The following MED17 variants were observed in gnomAD, a reference collection of about 807,000 sequenced individuals.
MED17 encodes mediator of RNA polymerase II transcription subunit 17.
A neutral mutation model predicts 80.8 loss-of-function variants in MED17; 49 were observed. The ratio of observed to expected loss-of-function variants is 0.61; its 90% CI spans 0.48 to 0.77. MED17 has a LOEUF of 0.77. Ranked by LOEUF, MED17 falls within the 30% of genes least tolerant of loss-of-function variation. MED17 has a pLI of 0.00. For missense variants in MED17, 718 were observed against 787.0 expected (o/e 0.91, Z 1.05); for synonymous variants, 281 against 280.4 (o/e 1.00, Z -0.02).
intron 9 of MED17, among the ~76,000 whole-genome samples, chr11:93,805,587 A>G (rs1389961785): frequency 6.6e-6 from 1 of 152,160 alleles, no homozygotes; most frequent in Non-Finnish European, 1.5e-5. Context: ...TCTCAAAAAA[A>G]AGATAAGGAC....
Position 93,790,511 on chromosome 11 carries a change from ATG to A in MED17, c.418-59_418-58del. 5 of 1,401,652 alleles carry A rather than the reference ATG, an allele frequency of 3.6e-6. No individual in the cohort carries two copies. In the South Asian group the frequency reaches 6.0e-5, roughly 17 times the overall value. 86.8% of individuals were successfully genotyped at this position (1,401,652 alleles called of 1,614,324 possible). A position where few individuals can be genotyped will look rare whatever the true frequency, so the allele number is the denominator to read the frequency against. On this transcript the variant is annotated intron_variant, in intron 2 of 11. Transcript: ENST00000251871. ...TTCACTTCATTTTATTATTGATAAAATGTGTAATTTTAGAGTCATTTAAAAAT... is the reference window on the plus strand; with the variant it reads ...TTCACTTCATTTTATTATTGATAAAATGTAATTTTAGAGTCATTTAAAAAT...
chr11:93,813,383 T>A lies in MED17; in HGVS notation c.*1319T>A, dbSNP rs1430361132. ...CCTTCTGATCAAGATCTTGCATCTT[T>A]CTATCCATGGAAATTAAAATAATTG... On this transcript the variant is annotated 3_prime_UTR_variant, in exon 12 of 12. Transcript: ENST00000251871. 6.6e-6 allele frequency: 1 copy of A among 152,224 alleles called. No individual in the cohort carries two copies. Among genetic ancestry groups the A allele is most frequent in the Admixed American group, 6.5e-5 (1 of 15,280 alleles). 9.4% of individuals were successfully genotyped at this position (152,224 alleles called of 1,614,324 possible). A position where few individuals can be genotyped will look rare whatever the true frequency, so the allele number is the denominator to read the frequency against.
chr11:93,809,436 C>G (rs914885225), intron 10 of MED17: 1 of 468,042 alleles, frequency 2.1e-6, no homozygotes, highest in Non-Finnish European at 4.0e-6. Flanking sequence ...ATTCAGTGAT[C>G]TAGATGAGAG....
intron 6 of MED17, chr11:93,795,288 C>T (rs1030834764): frequency 1.1e-4 from 62 of 587,152 alleles, no homozygotes; most frequent in African/African-American, 9.7e-4. Context: ...AAAATTTGCA[C>T]TTATGTAGTC....
At chr11:93,797,422 C>CAT in intron 7 of MED17, 113 bp from the exon 8 acceptor site, 1 of 1,047,950 alleles carries the variant, frequency 9.5e-7, no homozygotes, top group East Asian at 2.4e-5. Context: ...GGATTGTTTT[C>CAT]ATATGTGGTT....
chr11:93,811,710 C>A, intron 11 of MED17, 143 bp from the exon 12 acceptor site: 1 of 712,706 alleles, frequency 1.4e-6, no homozygotes, highest in Non-Finnish European at 2.4e-6. Context: ...CATGTTGAAA[C>A]TGAAAAAGCA....
chr11:93,801,712 A>G (rs1943963410), intron 8 of MED17, 123 bp from the exon 9 acceptor site: 13 of 886,960 alleles, frequency 1.5e-5, no homozygotes, highest in Non-Finnish European at 2.2e-5. Context: ...AAGTCTGCCT[A>G]CACATAGTGG....
At chr11:93,811,047 C>T (rs993222455) in intron 11 of MED17, 2 of 152,250 alleles carry the variant, frequency 1.3e-5, no homozygotes, top group South Asian at 2.1e-4. Flanking sequence ...GCAGTTGTAA[C>T]ACAACAAAAG....
chr11:93,784,512 G>C lies in MED17; in HGVS notation c.-2G>C. 1 of 1,597,118 alleles carries C rather than the reference G, an allele frequency of 6.3e-7. No homozygotes were observed. The highest frequency in any genetic ancestry group is 1.3e-5 in the African/African-American group (1 of 74,770). On this transcript the variant is annotated 5_prime_UTR_variant, in exon 1 of 12. Coordinates refer to ENST00000251871, the MANE Select transcript of MED17 (RefSeq NM_004268.5). ...CTCCCACCGCTGGCCGACGCAGCCA[G>C]CATGTCCGGGGTGCGCGCAGTGCGG...
intron 3 of MED17, chr11:93,793,048 C>G (rs1356359093): frequency 6.7e-6 from 1 of 150,268 alleles, no homozygotes; most frequent in East Asian, 2.0e-4. Flanking sequence ...TTAGTTGAAA[C>G]CTTAGTAGAG....
At chr11:93,794,199 A>ATTTTT (rs35300764) in intron 5 of MED17, 164 bp downstream of exon 5, 19 of 328,150 alleles carry the variant, frequency 5.8e-5, no homozygotes, top group African/African-American at 3.8e-4. Flanking sequence ...TAGCTGTGCA[A>ATTTTT]TTTTTTTTTT....
rs185160663 is a variant in MED17, at chr11:93,787,172, C to G, written c.251-829C>G. Among the ~76,000 whole-genome samples, 1,199 of 152,040 alleles carry G rather than the reference C, an allele frequency of 7.9e-3. 16 individuals are homozygous for G. Among genetic ancestry groups the G allele is most frequent in the African/African-American group, 0.026 (1,090 of 41,464 alleles). ...CTCACGTCTGTAATCCCAGCACTTT[C>G]GGAGGCCGGGGCAGGCAGATCACGA... On this transcript the variant is annotated intron_variant, in intron 1 of 11. Coordinates refer to ENST00000251871, the MANE Select transcript of MED17 (RefSeq NM_004268.5).
intron 6 of MED17, chr11:93,795,390 T>G: frequency 2.9e-6 from 1 of 340,442 alleles, no homozygotes; most frequent in Non-Finnish European, 5.5e-6. Flanking sequence ...TCAGGGATCC[T>G]GCCTTATTAT....
chr11:93,801,859 A>G lies in MED17; in HGVS notation c.1353A>G (p.Leu451=), dbSNP rs1175786121. The G allele has an allele frequency of 6.2e-7, 1 of 1,613,588 alleles. No individual in the cohort carries two copies. The highest frequency in any genetic ancestry group is 1.3e-5 in the African/African-American group (1 of 74,920). Residue 451 remains leucine (L), a synonymous_variant, in exon 9 of 12, where the codon TTA becomes TTG. Transcript: ENST00000251871. The part of the protein sequence containing the change: ...RSRAAATIDS[L]ASRIEDPQIQ... Reference sequence around the variant, plus strand: ...GAGCTGCTGCAACCATTGACAGCTTAGCAAGCCGAATTGAGGATCCTCAGA... The same window carrying G: ...GAGCTGCTGCAACCATTGACAGCTTGGCAAGCCGAATTGAGGATCCTCAGA...
chr11:93,805,117 G>C (rs1347499339), intron 9 of MED17, among the ~76,000 whole-genome samples: 2 of 152,162 alleles, frequency 1.3e-5, no homozygotes, highest in Non-Finnish European at 2.9e-5. Context: ...ACATTATTTT[G>C]TTAGCACATA....
rs1591380307 is a variant in MED17 at position 93,784,340 on chromosome 11, C to T, written c.-174C>T. ...CTTGCGGTGCGTTCTGGGAAAGTTG[C>T]TGGGCCAGCTCCTTTGTTTCCAGTC... is the stretch of plus-strand genomic sequence containing the variant. On this transcript the variant is annotated 5_prime_UTR_variant, in exon 1 of 12. Coordinates refer to ENST00000251871, the MANE Select transcript of MED17 (RefSeq NM_004268.5). 2 of 846,354 alleles carry T rather than the reference C, an allele frequency of 2.4e-6. No individual in the cohort carries two copies. The highest frequency in any genetic ancestry group is 3.4e-5 in the African/African-American group (2 of 58,326). The allele number at this position is 846,354 out of a possible 1,614,324, so 52.4% of individuals were successfully genotyped here. A position where few individuals can be genotyped will look rare whatever the true frequency, so the allele number is the denominator to read the frequency against.
chr11:93,784,953 A>G, intron 1 of MED17, 190 bp downstream of exon 1: 1 of 785,566 alleles, frequency 1.3e-6, no homozygotes, highest in East Asian at 2.7e-5. Context: ...GACTTTACGT[A>G]ATACTCCTGC....
chr11:93,787,308 G>A (rs756526813), intron 1 of MED17, among the ~76,000 whole-genome samples: 15 of 152,074 alleles, frequency 9.9e-5, no homozygotes, highest in Admixed American at 2.0e-4. Context: ...AGCTACTGGG[G>A]AGGCTGAGGC....
intron 9 of MED17, chr11:93,806,556 G>A (rs1190896836): frequency 6.6e-6 from 1 of 152,112 alleles, no homozygotes; most frequent in Non-Finnish European, 1.5e-5. Context: ...AATTAATGGA[G>A]TATATATATT....
Sources: allele counts gnomAD v4.1 joint callset (sites outside exome capture counted in the v4.1 genomes callset), GRCh38; gene constraint gnomAD v4.1.1; transcripts MANE v1.5; gene names NCBI Gene and HGNC (gene_info 2026-07-23, HGNC 2026-07-21).